STXBP5: variants seen among roughly 807,000 people sequenced by gnomAD.
The protein encoded by STXBP5 is syntaxin-binding protein 5.
STXBP5 carries 50 observed loss-of-function variants against 152.4 expected under a neutral mutation model. The ratio of observed to expected loss-of-function variants is 0.33; its 90% CI spans 0.26 to 0.42. STXBP5 has a LOEUF of 0.42. STXBP5 is among the 10% of genes least tolerant of loss of function. The probability of loss-of-function intolerance (pLI) is 1.00; values close to 1 mark genes in which losing one functional copy is unlikely to be tolerated. For missense variants in STXBP5, 1,167 were observed against 1,388.6 expected (o/e 0.84, Z 2.54); for synonymous variants, 492 against 494.7 (o/e 0.99, Z 0.07).
intron 2 of STXBP5, among the ~76,000 whole-genome samples, chr6:147,220,629 CCA>C (rs1324020685): frequency 6.6e-6 from 1 of 151,988 alleles, no homozygotes; most frequent in Admixed American, 6.5e-5. Flanking sequence ...TTGTAATGCC[CCA>C]CTTTAATGAC....
chr6:147,382,988 A>T lies in STXBP5; in HGVS notation c.3404A>T (p.His1135Leu), dbSNP rs776355096. 2 of 1,613,368 alleles carry T rather than the reference A, an allele frequency of 1.2e-6. No individual in the cohort carries two copies. Among genetic ancestry groups the T allele is most frequent in the East Asian group, 2.2e-5 (1 of 44,850 alleles). ...MLSSAESFSK[H>L]AHEIMLKYKD... ...TCAAGTGCAGAGTCATTTTCTAAAC[A>T]TGCTCATGAGGTACGACTCTCAAAC... Residue 1135 changes from histidine to leucine, a missense_variant, in exon 27 of 28, where the codon CAT becomes CTT. This residue lies in a region of STXBP5 where 833 missense variants were observed against 986.3 expected (regional missense o/e 0.84). Transcript: ENST00000321680.
intron 26 of STXBP5, among the ~76,000 whole-genome samples, chr6:147,382,540 G>C (rs959081053): frequency 1.2e-4 from 18 of 151,884 alleles, no homozygotes; most frequent in Non-Finnish European, 2.5e-4. Flanking sequence ...ATGTCTTGTT[G>C]TATGAACTAG....
intron 26 of STXBP5, among the ~76,000 whole-genome samples, chr6:147,380,075 A>T (rs1371592450): frequency 6.6e-6 from 1 of 152,022 alleles, no homozygotes; most frequent in Non-Finnish European, 1.5e-5. Flanking sequence ...CTACACATTT[A>T]ACACAATTCA....
intron 10 of STXBP5, among the ~76,000 whole-genome samples, chr6:147,310,638 A>C (rs977873746): frequency 6.6e-6 from 1 of 152,118 alleles, no homozygotes; most frequent in African/African-American, 2.4e-5. Flanking sequence ...GCAGGCTGGA[A>C]ATTCAGGAAG....
intron 8 of STXBP5, among the ~76,000 whole-genome samples, chr6:147,284,824 A>G (rs1003372090): frequency 6.6e-5 from 10 of 152,386 alleles, no homozygotes; most frequent in Middle Eastern, 6.8e-3. Flanking sequence ...ATATCAAAGT[A>G]TGATAAAAAG....
intron 8 of STXBP5, among the ~76,000 whole-genome samples, chr6:147,288,241 A>T (rs1562464097): frequency 6.6e-6 from 1 of 152,178 alleles, no homozygotes. Flanking sequence ...CAAATGAGAC[A>T]GCCACAGCAC....
At chr6:147,338,762 T>TA (rs1293744333) in intron 19 of STXBP5, among the ~76,000 whole-genome samples, 1 of 151,990 alleles carries the variant, frequency 6.6e-6, no homozygotes, top group Non-Finnish European at 1.5e-5. Context: ...AGTCTAACTC[T>TA]AAAATAACAA....
chr6:147,214,647 T>TTAAAGAAAA (rs1777066938), intron 2 of STXBP5, among the ~76,000 whole-genome samples: 1 of 152,238 alleles, frequency 6.6e-6, no homozygotes. Context: ...TTTAAAATTT[T>TTAAAGAAAA]GATTTCCGCA....
chr6:147,371,858 G>A (rs189712941), intron 25 of STXBP5, among the ~76,000 whole-genome samples: 39 of 152,076 alleles, frequency 2.6e-4, no homozygotes, highest in Middle Eastern at 3.4e-3. Context: ...TTTTGATTTA[G>A]CATGAGACAC....
intron 7 of STXBP5, among the ~76,000 whole-genome samples, chr6:147,270,396 C>A (rs867217058): frequency 0.018 from 1,600 of 88,436 alleles, no homozygotes; most frequent in African/African-American, 0.02. Flanking sequence ...GAGACTCTGT[C>A]AAAAAAAAAA....
intron 18 of STXBP5, among the ~76,000 whole-genome samples, chr6:147,330,283 TTG>T (rs1783501824): frequency 6.6e-6 from 1 of 152,074 alleles, no homozygotes; most frequent in Non-Finnish European, 1.5e-5. Flanking sequence ...CTACTAATGA[TTG>T]TGTGTATATT....
intron 2 of STXBP5, among the ~76,000 whole-genome samples, chr6:147,228,120 T>C (rs1435236170): frequency 1.3e-5 from 2 of 152,066 alleles, no homozygotes; most frequent in Non-Finnish European, 2.9e-5. Flanking sequence ...TCAGTGTTTA[T>C]TAGATTCCCT....
At chr6:147,332,228 A>G (rs1046163931) in intron 18 of STXBP5, among the ~76,000 whole-genome samples, 33 of 152,304 alleles carry the variant, frequency 2.2e-4, no homozygotes, top group African/African-American at 7.2e-4. Flanking sequence ...TCCATGTGCT[A>G]TGCACCATTA....
intron 8 of STXBP5, among the ~76,000 whole-genome samples, chr6:147,281,882 T>C (rs1387168681): frequency 6.6e-6 from 1 of 152,232 alleles, no homozygotes; most frequent in Non-Finnish European, 1.5e-5. Flanking sequence ...TTTCTGGCTC[T>C]GTGACCTTTA....
chr6:147,255,010 A>G (rs1010880823), intron 4 of STXBP5, among the ~76,000 whole-genome samples: 2 of 152,240 alleles, frequency 1.3e-5, no homozygotes, highest in Non-Finnish European at 2.9e-5. Context: ...ATAAAGACAC[A>G]TGCACATGTA....
chr6:147,351,616 C>T (rs989067986), intron 21 of STXBP5, among the ~76,000 whole-genome samples: 5 of 152,090 alleles, frequency 3.3e-5, no homozygotes, highest in African/African-American at 1.2e-4. Flanking sequence ...GTTATTTGGC[C>T]ATTTCAGTTT....
At position 147,204,647 on chromosome 6, in the gene STXBP5, G is replaced by GA; in HGVS notation, c.118dup (p.Thr40AsnfsTer27). The stretch of plus-strand genomic sequence containing the variant: ...TGGGAACCGGGAGCCGGAGATCCAG[G>GA]AAACGCTCCAGTCCGAGCACTTTCA... On this transcript the variant is annotated frameshift_variant, in exon 1 of 28. Coordinates refer to ENST00000321680, the MANE Select transcript of STXBP5 (RefSeq NM_001127715.4). LOFTEE classifies it high-confidence loss of function. The surrounding 1 kb of genome is among the most constrained non-coding windows in gnomAD (Gnocchi z 4.3). 1 of 1,610,626 alleles carries GA rather than the reference G, an allele frequency of 6.2e-7. No homozygotes were observed. The highest frequency in any genetic ancestry group is 8.5e-7 in the Non-Finnish European group (1 of 1,178,234).
chr6:147,298,447 A>C (rs903099418), intron 9 of STXBP5, among the ~76,000 whole-genome samples: 9 of 152,080 alleles, frequency 5.9e-5, no homozygotes, highest in African/African-American at 2.2e-4. Flanking sequence ...ATCAGCAAAG[A>C]AACAATGGAT....
At chr6:147,243,906 C>T (rs1301988947) in intron 4 of STXBP5, among the ~76,000 whole-genome samples, 1 of 151,818 alleles carries the variant, frequency 6.6e-6, no homozygotes, top group Non-Finnish European at 1.5e-5. Flanking sequence ...GAGCAATTTA[C>T]TGTATTTAAG....
Sources: gnomAD v4.1 joint callset for allele counts (sites outside exome capture counted in the v4.1 genomes callset) on GRCh38, gnomAD v4.1.1 for gene constraint, gnomAD v4.1.1 regional missense constraint, Gnocchi (gnomAD v3.1) non-coding constraint, MANE v1.5 for transcripts, NCBI Gene and HGNC (gene_info 2026-07-23, HGNC 2026-07-21) for gene names.